The following DDHD1 variants were observed in gnomAD, a reference collection of about 807,000 sequenced individuals.
DDHD1 encodes DDHD domain containing 1.
Under a neutral mutation model 96.4 loss-of-function variants are expected in DDHD1, and 49 were observed. The observed-to-expected ratio is 0.51, with a 90% CI of 0.40 to 0.64. The LOEUF (loss-of-function observed/expected upper bound fraction) is 0.64. Ranked by LOEUF, DDHD1 falls within the 30% of genes least tolerant of loss-of-function variation. The pLI is 0.00. For missense variants in DDHD1, 1,106 were observed against 1,161.2 expected, an observed-to-expected ratio of 0.95 and a Z score of 0.69; for synonymous variants, 442 against 446.5, an observed-to-expected ratio of 0.99 and a Z score of 0.13.
intron 1 of DDHD1, among the ~76,000 whole-genome samples, chr14:53,132,928 C>T (rs888683651): frequency 6.6e-6 from 1 of 152,156 alleles, no homozygotes; most frequent in Non-Finnish European, 1.5e-5. Flanking sequence ...ACCTACTCTC[C>T]CACTGAAACT....
intron 12 of DDHD1, among the ~76,000 whole-genome samples, chr14:53,050,419 A>G (rs986916883): frequency 6.6e-6 from 1 of 152,154 alleles, no homozygotes; most frequent in Non-Finnish European, 1.5e-5. Flanking sequence ...ATAGGGTCAA[A>G]CAAATCTAGC....
intron 1 of DDHD1, among the ~76,000 whole-genome samples, chr14:53,112,955 C>T (rs1888219527): frequency 6.6e-6 from 1 of 151,920 alleles, no homozygotes; most frequent in Non-Finnish European, 1.5e-5. Context: ...TTAAACGTGA[C>T]TTTCACTTTT....
At chr14:53,081,159 A>AATG (rs1214076293) in intron 4 of DDHD1, among the ~76,000 whole-genome samples, 1 of 152,216 alleles carries the variant, frequency 6.6e-6, no homozygotes, top group African/African-American at 2.4e-5. Flanking sequence ...CTGAAAATAA[A>AATG]ATGACAGCCA....
chr14:53,108,503 G>A (rs1887868725), intron 1 of DDHD1, among the ~76,000 whole-genome samples: 1 of 152,106 alleles, frequency 6.6e-6, no homozygotes, highest in Admixed American at 6.6e-5. Flanking sequence ...AGGACCCCTG[G>A]TAACAGTGCC....
At chr14:53,059,307 C>T (rs548525410) in intron 8 of DDHD1, among the ~76,000 whole-genome samples, 43 of 152,076 alleles carry the variant, frequency 2.8e-4, no homozygotes, top group Non-Finnish European at 4.3e-4. Context: ...TGCAGTAGTG[C>T]GATCTCAGCT....
intron 1 of DDHD1, among the ~76,000 whole-genome samples, chr14:53,129,026 TC>T (rs1171598110): frequency 1.3e-5 from 2 of 152,196 alleles, no homozygotes; most frequent in Admixed American, 6.5e-5. Context: ...GGCCCACCTA[TC>T]CCAAACCTAT....
At chr14:53,152,192 A>C in intron 1 of DDHD1, 69 bp downstream of exon 1, 1 of 1,464,802 alleles carries the variant, frequency 6.8e-7, no homozygotes, top group Non-Finnish European at 9.1e-7. Flanking sequence ...CCAGTCCCAA[A>C]CCCACACCGG....
chr14:53,067,958 T>G (rs1234562575), intron 6 of DDHD1, among the ~76,000 whole-genome samples: 5 of 152,200 alleles, frequency 3.3e-5, no homozygotes, highest in Non-Finnish European at 5.9e-5. Flanking sequence ...ATTATATATG[T>G]CATGATCTTT....
intron 1 of DDHD1, among the ~76,000 whole-genome samples, chr14:53,126,231 A>G (rs1189414154): frequency 1.3e-5 from 2 of 152,232 alleles, no homozygotes; most frequent in South Asian, 2.1e-4. Context: ...CAAATTATGT[A>G]TATATATTAT....
Position 53,046,054 on chromosome 14 carries a change from A to C in DDHD1, c.*714T>G, listed in dbSNP as rs1273966306. 1 of 152,194 alleles carries C rather than the reference A, an allele frequency of 6.6e-6. No individual in the cohort carries two copies. Among genetic ancestry groups the C allele is most frequent in the Non-Finnish European group, 1.5e-5 (1 of 68,034 alleles). The allele number at this position is 152,194 out of a possible 1,614,324, so 9.4% of individuals were successfully genotyped here. On this transcript the variant is annotated 3_prime_UTR_variant, in exon 13 of 13. Coordinates refer to ENST00000673822, the MANE Select transcript of DDHD1 (RefSeq NM_001160148.2). ...GAAGCCATAAGTTTTTAATGAAAAA[A>C]AATGTATGCCACAGTGTCTATATAT...
chr14:53,068,294 A>G (rs1333824630), intron 6 of DDHD1, among the ~76,000 whole-genome samples: 1 of 120,542 alleles, frequency 8.3e-6, no homozygotes, highest in Non-Finnish European at 1.6e-5. Context: ...CCCAGGTTGG[A>G]GTACAGTGGT....
chr14:53,125,198 C>T (rs1334735427), intron 1 of DDHD1, among the ~76,000 whole-genome samples: 2 of 152,146 alleles, frequency 1.3e-5, no homozygotes, highest in African/African-American at 4.8e-5. Flanking sequence ...AATTTTAATT[C>T]ATGGAGGTAG....
intron 1 of DDHD1, among the ~76,000 whole-genome samples, chr14:53,112,332 G>A (rs148997447): frequency 6.1e-4 from 92 of 151,820 alleles, no homozygotes; most frequent in African/African-American, 2.1e-3. Flanking sequence ...CAGAAGAATC[G>A]CTTGAACCCA....
intron 4 of DDHD1, among the ~76,000 whole-genome samples, chr14:53,084,089 A>G (rs1296057016): frequency 6.6e-6 from 1 of 152,220 alleles, no homozygotes; most frequent in Non-Finnish European, 1.5e-5. Flanking sequence ...ACATAGATTC[A>G]GGAAGTTGGA....
At chr14:53,053,361 T>C (rs1017692349) in intron 11 of DDHD1, 2 of 152,080 alleles carry the variant, frequency 1.3e-5, no homozygotes, top group Non-Finnish European at 2.9e-5. Context: ...TAAAAAAGAA[T>C]TTTCCAGACT....
chr14:53,067,741 G>C (rs929750243), intron 6 of DDHD1, among the ~76,000 whole-genome samples: 3 of 152,204 alleles, frequency 2.0e-5, no homozygotes, highest in Non-Finnish European at 2.9e-5. Context: ...ACAGGCATCA[G>C]CCACCGTGCC....
intron 10 of DDHD1, among the ~76,000 whole-genome samples, chr14:53,055,146 C>G (rs929219421): frequency 2.0e-5 from 3 of 152,172 alleles, no homozygotes; most frequent in Non-Finnish European, 4.4e-5. Context: ...TGGACAGATT[C>G]AAATACCACA....
At chr14:53,103,129 T>C in intron 2 of DDHD1, 1 of 1,439,492 alleles carries the variant, frequency 6.9e-7, no homozygotes, top group Non-Finnish European at 9.5e-7. Flanking sequence ...AGACACACAA[T>C]GAAAATGTGG....
intron 1 of DDHD1, 146 bp downstream of exon 1, chr14:53,152,115 T>A: frequency 3.0e-5 from 24 of 789,652 alleles, no homozygotes; most frequent in South Asian, 1.8e-4. Context: ...CTGCCGACGC[T>A]CCCTGCTCAA....
Sources: allele counts gnomAD v4.1 joint callset (sites outside exome capture counted in the v4.1 genomes callset), GRCh38; gene constraint gnomAD v4.1.1; transcripts MANE v1.5; gene names NCBI Gene and HGNC (gene_info 2026-07-23, HGNC 2026-07-21).